The following HS6ST2 variants were observed in gnomAD, a reference collection of about 807,000 sequenced individuals.
HS6ST2 encodes heparan sulfate 6-O-sulfotransferase 2.
Under a neutral mutation model 33.0 loss-of-function variants are expected in HS6ST2, and 17 were observed. That is an observed-to-expected ratio of 0.52 (90% CI 0.35 to 0.77). The LOEUF (loss-of-function observed/expected upper bound fraction) is 0.77. Among genes scored for constraint, HS6ST2 ranks in the 30% least tolerant of loss-of-function variants. HS6ST2 has a pLI of 0.01. For synonymous variants in HS6ST2, 248 were observed against 237.1 expected, an observed-to-expected ratio of 1.05 and a Z score of -0.42; for missense variants, 519 against 551.7, an observed-to-expected ratio of 0.94 and a Z score of 0.59.
chrX:132,778,867 GA>G (rs2064991899), intron 2 of HS6ST2, among the ~76,000 whole-genome samples: 1 of 111,732 alleles, frequency 8.9e-6, no homozygotes, highest in East Asian at 2.8e-4. Flanking sequence ...CACACTTCCT[GA>G]AAAGCTATAA....
At chrX:132,857,995 G>C (rs2065870430) in intron 2 of HS6ST2, among the ~76,000 whole-genome samples, 1 of 112,045 alleles carries the variant, frequency 8.9e-6, no homozygotes, top group African/African-American at 3.2e-5. Flanking sequence ...TCCCTAAATT[G>C]ACATGGCCCA....
At chrX:132,784,266 C>T (rs995164883) in intron 2 of HS6ST2, among the ~76,000 whole-genome samples, 2 of 111,637 alleles carry the variant, frequency 1.8e-5, no homozygotes, top group African/African-American at 6.5e-5. Context: ...GAATTAGAAT[C>T]TTAGGATATG....
intron 4 of HS6ST2, among the ~76,000 whole-genome samples, chrX:132,632,441 T>C (rs747850561): frequency 1.1e-4 from 12 of 111,099 alleles, no homozygotes; most frequent in Non-Finnish European, 2.1e-4. Context: ...AGGATGCTCA[T>C]TATATCCAAG....
chrX:132,785,938 A>G lies in HS6ST2; in HGVS notation c.948-77444T>C, dbSNP rs188894763. 6.3e-5 allele frequency among the ~76,000 whole-genome samples: 7 copies of G among 111,789 alleles called. No individual in the cohort carries two copies. In the East Asian group the frequency reaches 2.0e-3, roughly 32 times the overall value. On this transcript the variant is annotated intron_variant, in intron 2 of 4. Coordinates refer to ENST00000370833, the MANE Select transcript of HS6ST2 (RefSeq NM_001394073.1). ...CTTGGATCTGCTGCTATCCAGCTGT[A>G]TGATTTTTGAGAGATACAGACAAGT...
intron 1 of HS6ST2, 23 bp downstream of exon 1, chrX:132,958,152 C>T (rs766845947): frequency 1.8e-6 from 2 of 1,106,380 alleles, no homozygotes; most frequent in Non-Finnish European, 2.4e-6. Flanking sequence ...GGAGCGCGAA[C>T]CCCGCTTTCA....
At chrX:132,772,196 A>G (rs2064907477) in intron 2 of HS6ST2, among the ~76,000 whole-genome samples, 1 of 111,358 alleles carries the variant, frequency 9.0e-6, no homozygotes, top group African/African-American at 3.3e-5. Flanking sequence ...AACACACACA[A>G]AATGTGGTTT....
intron 2 of HS6ST2, among the ~76,000 whole-genome samples, chrX:132,926,070 C>A (rs1310668094): frequency 8.9e-6 from 1 of 112,289 alleles, no homozygotes; most frequent in Non-Finnish European, 1.9e-5. Context: ...GAATAAATAT[C>A]TTCATTAGTA....
intron 2 of HS6ST2, among the ~76,000 whole-genome samples, chrX:132,717,036 G>A (rs1264243225): frequency 1.8e-5 from 2 of 112,648 alleles, no homozygotes; most frequent in African/African-American, 3.2e-5. Flanking sequence ...CACAGAGAAC[G>A]AAAAACTCCC....
intron 2 of HS6ST2, among the ~76,000 whole-genome samples, chrX:132,727,240 G>A (rs975769328): frequency 3.9e-5 from 4 of 102,374 alleles, no homozygotes; most frequent in South Asian, 5.3e-4. Flanking sequence ...CATTATTGGG[G>A]GGGGGGGCAT....
intron 3 of HS6ST2, among the ~76,000 whole-genome samples, chrX:132,685,859 A>G (rs973822127): frequency 8.9e-6 from 1 of 112,359 alleles, no homozygotes; most frequent in African/African-American, 3.2e-5. Flanking sequence ...ATACAGCAAC[A>G]TGCAAATGTT....
intron 2 of HS6ST2, among the ~76,000 whole-genome samples, chrX:132,892,070 T>C (rs1215817796): frequency 8.9e-6 from 1 of 112,197 alleles, no homozygotes; most frequent in African/African-American, 3.2e-5. Flanking sequence ...TTTTTGATGA[T>C]CGCCATTCTA....
intron 3 of HS6ST2, among the ~76,000 whole-genome samples, chrX:132,675,824 T>A (rs2063920426): frequency 9.0e-6 from 1 of 111,361 alleles, no homozygotes; most frequent in African/African-American, 3.3e-5. Flanking sequence ...ATCTCCTTTT[T>A]TTTTTTTACA....
chrX:132,956,752 C>T, intron 2 of HS6ST2, 56 bp downstream of exon 2: 27 of 1,114,075 alleles, frequency 2.4e-5, no homozygotes, highest in Non-Finnish European at 3.1e-5. Flanking sequence ...AGCCGCGCCT[C>T]CCAGCCCTCC....
intron 4 of HS6ST2, among the ~76,000 whole-genome samples, chrX:132,647,571 G>C (rs1266963079): frequency 1.8e-5 from 2 of 112,162 alleles, no homozygotes; most frequent in Non-Finnish European, 3.8e-5. Flanking sequence ...CTCCTAGGCA[G>C]GCATGGTCTT....
intron 2 of HS6ST2, among the ~76,000 whole-genome samples, chrX:132,844,392 AAAT>A (rs2065732199): frequency 8.9e-6 from 1 of 111,849 alleles, no homozygotes; most frequent in East Asian, 2.8e-4. Flanking sequence ...CTACAGGTAC[AAAT>A]AATAACATTT....
chrX:132,939,131 T>C (rs934616512), intron 2 of HS6ST2, among the ~76,000 whole-genome samples: 4 of 111,300 alleles, frequency 3.6e-5, no homozygotes, highest in Non-Finnish European at 7.5e-5. Context: ...GAGCCTTTCA[T>C]GAGAGATCTG....
At chrX:132,637,830 ATATATAATATTTTATATATAATAT>A (rs2063563363) in intron 4 of HS6ST2, among the ~76,000 whole-genome samples, 3 of 44,796 alleles carry the variant, frequency 6.7e-5, no homozygotes, top group African/African-American at 8.2e-4. Flanking sequence ...ATATAATATT[ATATATAATATTTTATATATAATAT>A]ATATATAATA....
chrX:132,635,832 GTCCCAGGCAGTGAC>G (rs1343872855), intron 4 of HS6ST2, among the ~76,000 whole-genome samples: 3 of 111,092 alleles, frequency 2.7e-5, no homozygotes, highest in African/African-American at 9.8e-5. Flanking sequence ...CCAAATCAAA[GTCCCAGGCAGTGAC>G]TCCACAGGTG....
intron 2 of HS6ST2, among the ~76,000 whole-genome samples, chrX:132,909,827 C>G (rs1338977835): frequency 2.7e-5 from 3 of 111,557 alleles, no homozygotes; most frequent in Non-Finnish European, 5.6e-5. Flanking sequence ...GTGGTTTAAT[C>G]TTGGTATACG....
Sources: allele counts gnomAD v4.1 joint callset (sites outside exome capture counted in the v4.1 genomes callset), GRCh38; gene constraint gnomAD v4.1.1; transcripts MANE v1.5; gene names NCBI Gene and HGNC (gene_info 2026-07-23, HGNC 2026-07-21).